URB1: variants seen among roughly 807,000 people sequenced by gnomAD.
URB1 encodes the protein nucleolar pre-ribosomal-associated protein 1.
Under a neutral mutation model 242.3 loss-of-function variants are expected in URB1, and 197 were observed. The ratio of observed to expected loss-of-function variants is 0.81; its 90% CI spans 0.72 to 0.91. The LOEUF is 0.91. Among genes scored for constraint, URB1 ranks in the 40% least tolerant of loss-of-function variants. The probability of loss-of-function intolerance (pLI) is 0.00; values close to 1 mark genes in which losing one functional copy is unlikely to be tolerated. For synonymous variants in URB1, 1,153 were observed against 1,201.8 expected, an observed-to-expected ratio of 0.96 and a Z score of 0.84; for missense variants, 2,721 against 2,860.5, an observed-to-expected ratio of 0.95 and a Z score of 1.11.
At chr21:32,346,807 T>C (rs977179096) in intron 22 of URB1, 149 bp downstream of exon 22, 4 of 1,184,154 alleles carry the variant, frequency 3.4e-6, no homozygotes, top group African/African-American at 1.5e-5. Flanking sequence ...TTACTCCACC[T>C]TTCTCCATCT....
Position 32,352,755 on chromosome 21 carries a change from G to C in URB1, c.2568C>G (p.Asn856Lys), listed in dbSNP as rs1410558309. The change falls in exon 19 of 39, where the codon AAC (asparagine) becomes AAG (lysine). Residue 856 changes from asparagine to lysine, a missense_variant. By Grantham distance (94) the Asn-to-Lys change is moderately conservative. Transcript: ENST00000382751. The stretch of plus-strand genomic sequence containing the variant: ...CCGGGATCCAGAGGCTGTAGTATCT[G>C]TTAAACCGTGAGAGCTGCTGGCAGC... ...VPCCQQLSRFNRYYSLWIPEQ... is the reference protein window; with the variant it reads ...VPCCQQLSRFKRYYSLWIPEQ... The C allele has an allele frequency of 6.4e-7, 1 of 1,551,566 alleles. No homozygotes were observed. The highest frequency in any genetic ancestry group is 8.7e-7 in the Non-Finnish European group (1 of 1,147,004).
chr21:32,347,091 A>G lies in URB1; in HGVS notation c.3733T>C (p.Leu1245=), dbSNP rs9981151. The part of the protein sequence containing the change: ...ALLLQESCTH[L]LWFEQWCLQA... ...AGGCACCACTGCTCGAACCACAGCA[A>G]GTGGGTGCAGCTCTCCTGGAGGAGC... Residue 1245 remains leucine (L), a synonymous_variant, in exon 22 of 39, where the codon TTG becomes CTG. Transcript: ENST00000382751. 203,590 of 1,549,964 alleles carry G rather than the reference A, an allele frequency of 0.13. 17,425 individuals carry two copies. The highest frequency in any genetic ancestry group is 0.43 in the African/African-American group (31,148 of 73,024).
chr21:32,379,171 G>A (rs984544840), intron 4 of URB1, among the ~76,000 whole-genome samples: 30 of 152,222 alleles, frequency 2.0e-4, no homozygotes, highest in Admixed American at 5.9e-4. Flanking sequence ...CCCCAACACC[G>A]TGACAGCAGC....
intron 24 of URB1, among the ~76,000 whole-genome samples, chr21:32,341,737 ACT>A (rs57626886): frequency 0.013 from 2,007 of 151,594 alleles, 55 homozygotes; most frequent in African/African-American, 0.046. Flanking sequence ...TCTGTTCTGG[ACT>A]CTCTGTGCAA....
rs1337524241 is a variant in URB1 at position 32,378,537 on chromosome 21, A to G, written c.572T>C (p.Val191Ala). 1.9e-6 allele frequency: 3 copies of G among 1,551,476 alleles called. No homozygotes were observed. The highest frequency in any genetic ancestry group is 1.4e-5 in the African/African-American group (1 of 73,102). The stretch of plus-strand genomic sequence containing the variant: ...AACGTAGGCCTGCCGAACGTCGTAC[A>G]CTCCCTAGAGGACAAAGGAGACCTA... ...TLVTKRDSKG[V>A]YDVRQAYVQF... Residue 191 changes from valine (V) to alanine (A), a missense_variant, in exon 5 of 39, where the codon GTG becomes GCG. Physicochemically the swap from Val to Ala is moderately conservative, Grantham distance 64 (BLOSUM62 0). Coordinates refer to ENST00000382751, the MANE Select transcript of URB1 (RefSeq NM_014825.3).
intron 6 of URB1, 53 bp from the exon 7 acceptor site, chr21:32,373,825 G>T: frequency 7.1e-7 from 1 of 1,415,706 alleles, no homozygotes; most frequent in Non-Finnish European, 9.4e-7. Context: ...AAAAGTTCAT[G>T]GAATTCAATT....
rs1224462691 is a variant in URB1, at chr21:32,311,607, G to A, written c.*3311C>T. Reference sequence around the variant, plus strand: ...GTCCGGGCAGATGGCAGGTGTGGCAGGAAACCCCCCAGCCCCACAGTATGG... The same window carrying A: ...GTCCGGGCAGATGGCAGGTGTGGCAAGAAACCCCCCAGCCCCACAGTATGG... On this transcript the variant is annotated 3_prime_UTR_variant, in exon 39 of 39. Transcript: ENST00000382751. 1 of 1,549,746 alleles carries A rather than the reference G, an allele frequency of 6.5e-7. No homozygotes were observed. Among genetic ancestry groups the A allele is most frequent in the South Asian group, 1.3e-5 (1 of 79,490 alleles).
rs571769702 is a variant in URB1 at position 32,361,481 on chromosome 21, C to T, written c.1640-358G>A. 7.3e-5 allele frequency among the ~76,000 whole-genome samples: 11 copies of T among 151,348 alleles called. No homozygotes were observed. In the South Asian group the frequency reaches 2.3e-3, roughly 31 times the overall value. On this transcript the variant is annotated intron_variant, in intron 12 of 38. Coordinates refer to ENST00000382751, the MANE Select transcript of URB1 (RefSeq NM_014825.3). The stretch of plus-strand genomic sequence containing the variant: ...GAGCAACAGGGACATACAGCAGGGC[C>T]TACCCTTGCAGGGCTGCCGAAAGGA...
chr21:32,362,123 C>T (rs1040558777), intron 11 of URB1, 102 bp from the exon 12 acceptor site: 7 of 1,432,234 alleles, frequency 4.9e-6, no homozygotes, highest in East Asian at 5.0e-5. Context: ...GAGGGGGGTG[C>T]GAGTCTAGAG....
At chr21:32,374,299 G>A (rs1165241928) in intron 6 of URB1, among the ~76,000 whole-genome samples, 4 of 152,176 alleles carry the variant, frequency 2.6e-5, no homozygotes, top group African/African-American at 4.8e-5. Context: ...GTTCCTGCAA[G>A]TAGAATTGTG....
chr21:32,378,136 T>C (rs1027013477), intron 5 of URB1, among the ~76,000 whole-genome samples: 1 of 152,202 alleles, frequency 6.6e-6, no homozygotes, highest in African/African-American at 2.4e-5. Context: ...GTAGGTTCCA[T>C]AGCCATAAAG....
In URB1 at chr21:32,383,624, G is replaced by C. The variant is rs566339696; in HGVS notation, c.435-70C>G. 4.8e-4 allele frequency: 693 copies of C among 1,431,132 alleles called. 5 individuals are homozygous for C. The highest frequency in any genetic ancestry group is 4.5e-3 in the South Asian group (313 of 69,370). 88.7% of individuals were successfully genotyped at this position (1,431,132 alleles called of 1,614,324 possible). ...AAGCACAGAGCCGCCTCACCACAAA[G>C]CCAGCTGCAAGCTGCTTGTGTTATT... On this transcript the variant is annotated intron_variant, in intron 3 of 38. Coordinates refer to ENST00000382751, the MANE Select transcript of URB1 (RefSeq NM_014825.3).
At chr21:32,379,787 C>T (rs1205273374) in intron 4 of URB1, among the ~76,000 whole-genome samples, 1 of 152,040 alleles carries the variant, frequency 6.6e-6, no homozygotes, top group African/African-American at 2.4e-5. Context: ...GTTAGGAGTT[C>T]GAAACCAACC....
At chr21:32,332,569 C>A (rs373602641) in intron 30 of URB1, among the ~76,000 whole-genome samples, 37 of 1,812 alleles carry the variant, frequency 0.02, no homozygotes, top group Non-Finnish European at 0.028. Flanking sequence ...AAACAAAAGA[C>A]AAAAAAAAAA....
At chr21:32,386,105 C>T (rs540921044) in intron 1 of URB1, among the ~76,000 whole-genome samples, 49 of 150,524 alleles carry the variant, frequency 3.3e-4, no homozygotes, top group African/African-American at 1.2e-3. Context: ...GCCGAGATCG[C>T]GCCATTGCAC....
At chr21:32,386,045 G>A (rs2033580629) in intron 1 of URB1, among the ~76,000 whole-genome samples, 1 of 151,880 alleles carries the variant, frequency 6.6e-6, no homozygotes, top group Non-Finnish European at 1.5e-5. Context: ...CCAGCTACTT[G>A]GGAGGCTGAG....
chr21:32,371,692 T>C (rs149924301), intron 8 of URB1, among the ~76,000 whole-genome samples: 17 of 152,166 alleles, frequency 1.1e-4, no homozygotes, highest in Admixed American at 2.6e-4. Context: ...AATGCTAGGA[T>C]AGAATAACAA....
At position 32,363,347 on chromosome 21, in the gene URB1, TA is replaced by T; in HGVS notation, c.1336-19del. 1 of 1,549,178 alleles carries T rather than the reference TA, an allele frequency of 6.5e-7. No individual in the cohort carries two copies. ...CTGTCCAACTGGGAAGAAAAAGAGT[TA>T]AATGCACACATGTCTCTAGGATACA... On this transcript the variant is annotated intron_variant, in intron 10 of 38. Coordinates refer to ENST00000382751, the MANE Select transcript of URB1 (RefSeq NM_014825.3).
chr21:32,345,557 GGAAT>G lies in URB1; in HGVS notation c.3883_3886del (p.Ile1295LeufsTer3). 1 of 1,544,570 alleles carries G rather than the reference GGAAT, an allele frequency of 6.5e-7. No individual in the cohort carries two copies. Among genetic ancestry groups the G allele is most frequent in the Non-Finnish European group, 8.8e-7 (1 of 1,141,138 alleles). ...CCTCCACAGGGTCTTCCTCAAGACA[GGAAT>G]GACAGCGGAAGACACTAGGGCAGAG... On this transcript the variant is annotated frameshift_variant, in exon 23 of 39. Transcript: ENST00000382751. LOFTEE classifies it high-confidence loss of function.
Sources: gnomAD v4.1 joint callset for allele counts (sites outside exome capture counted in the v4.1 genomes callset) on GRCh38, gnomAD v4.1.1 for gene constraint, MANE v1.5 for transcripts, NCBI Gene and HGNC (gene_info 2026-07-23, HGNC 2026-07-21) for gene names.